The following SDK1 variants were observed in gnomAD, a reference collection of about 807,000 sequenced individuals.
SDK1 encodes the protein sidekick cell adhesion molecule 1.
SDK1 carries 157 observed loss-of-function variants against 245.5 expected under a neutral mutation model. That is an observed-to-expected ratio of 0.64 (90% CI 0.56 to 0.73). The LOEUF (loss-of-function observed/expected upper bound fraction) is 0.73. Among genes scored for constraint, SDK1 ranks in the 30% least tolerant of loss-of-function variants. The pLI is 0.00. For synonymous variants in SDK1, 1,647 were observed against 1,278.5 expected, an observed-to-expected ratio of 1.29 and a Z score of -6.15; for missense variants, 3,583 against 3,002.3, an observed-to-expected ratio of 1.19 and a Z score of -4.52.
chr7:4,025,492 C>A (rs955897911), intron 17 of SDK1, among the ~76,000 whole-genome samples: 1 of 152,196 alleles, frequency 6.6e-6, no homozygotes, highest in African/African-American at 2.4e-5. Flanking sequence ...CTGGGACTTA[C>A]CCTTCACCTG....
intron 1 of SDK1, among the ~76,000 whole-genome samples, chr7:3,433,799 TGGC>T (rs144778955): frequency 0.038 from 5,732 of 152,260 alleles, 321 homozygotes; most frequent in African/African-American, 0.12. Context: ...ATCTTGAACA[TGGC>T]TCTTGTAAAT....
At chr7:3,504,178 A>ATGTGTGTGTG (rs1159786202) in intron 1 of SDK1, among the ~76,000 whole-genome samples, 7 of 52,392 alleles carry the variant, frequency 1.3e-4, no homozygotes, top group African/African-American at 4.1e-4. Flanking sequence ...TTATATATAT[A>ATGTGTGTGTG]TATATGTGTG....
chr7:4,188,980 G>A (rs935568), intron 35 of SDK1, among the ~76,000 whole-genome samples: 25,591 of 151,810 alleles, frequency 0.17, 3,436 homozygotes, highest in African/African-American at 0.38. Context: ...TGTTTAGGAG[G>A]GCTTGTCTTA....
At chr7:3,818,001 C>T (rs529286151) in intron 4 of SDK1, among the ~76,000 whole-genome samples, 7 of 152,264 alleles carry the variant, frequency 4.6e-5, no homozygotes, top group Admixed American at 2.0e-4. Context: ...ACCTCAGGAC[C>T]GGTTAGCTTG....
intron 1 of SDK1, among the ~76,000 whole-genome samples, chr7:3,590,978 T>C (rs970452462): frequency 6.6e-6 from 1 of 152,086 alleles, no homozygotes; most frequent in Non-Finnish European, 1.5e-5. Flanking sequence ...ACATGGAGTT[T>C]TGCCATGTTG....
chr7:3,365,286 A>C (rs186394692), intron 1 of SDK1, among the ~76,000 whole-genome samples: 168 of 152,274 alleles, frequency 1.1e-3, no homozygotes, highest in African/African-American at 3.7e-3. Context: ...GTCACTTTTC[A>C]TCTTGTGCTT....
At chr7:3,679,628 A>C (rs1195366456) in intron 4 of SDK1, among the ~76,000 whole-genome samples, 1 of 152,236 alleles carries the variant, frequency 6.6e-6, no homozygotes, top group Non-Finnish European at 1.5e-5. Context: ...GGATATACAG[A>C]TGTCAAACAG....
rs184817339 is a variant in SDK1, at chr7:3,734,469, G to C, written c.714-86981G>C. ...TCCACTTATAGATGGTGTTAAGAAT[G>C]ATCCTTGAAAAGGGATGTACTTTAG... On this transcript the variant is annotated intron_variant, in intron 4 of 44. Coordinates refer to ENST00000404826, the MANE Select transcript of SDK1 (RefSeq NM_152744.4). Among the ~76,000 whole-genome samples, 737 of 152,344 alleles carry C rather than the reference G, an allele frequency of 4.8e-3. 6 individuals carry two copies. The highest frequency in any genetic ancestry group is 0.017 in the African/African-American group (699 of 41,572).
chr7:3,820,052 A>G (rs1779605878), intron 4 of SDK1, among the ~76,000 whole-genome samples: 1 of 152,176 alleles, frequency 6.6e-6, no homozygotes, highest in Admixed American at 6.5e-5. Context: ...CTTGTTTTTG[A>G]AATAAGAGCT....
At chr7:3,575,372 G>A (rs1780251124) in intron 1 of SDK1, among the ~76,000 whole-genome samples, 1 of 151,978 alleles carries the variant, frequency 6.6e-6, no homozygotes, top group Non-Finnish European at 1.5e-5. Flanking sequence ...TTATTATAAT[G>A]CCTCCCAAAG....
intron 1 of SDK1, among the ~76,000 whole-genome samples, chr7:3,582,322 CAGGTAGGTCTGTCTCAGGT>C (rs1780528095): frequency 6.8e-6 from 1 of 147,054 alleles, no homozygotes; most frequent in African/African-American, 2.6e-5. Context: ...AGGTCTGTCT[CAGGTAGGTCTGTCTCAGGT>C]AGGTCTCCCT....
At chr7:4,183,783 G>C (rs1782727883) in intron 35 of SDK1, among the ~76,000 whole-genome samples, 1 of 152,180 alleles carries the variant, frequency 6.6e-6, no homozygotes. Flanking sequence ...CTTTAGGGAA[G>C]GACCATTATC....
At chr7:4,018,041 A>G (rs1786560039) in intron 17 of SDK1, among the ~76,000 whole-genome samples, 1 of 152,158 alleles carries the variant, frequency 6.6e-6, no homozygotes, top group Non-Finnish European at 1.5e-5. Flanking sequence ...TCTCCTCCAC[A>G]TCTGCATTTC....
At chr7:3,685,544 C>G (rs1165110890) in intron 4 of SDK1, among the ~76,000 whole-genome samples, 3 of 152,032 alleles carry the variant, frequency 2.0e-5, no homozygotes, top group African/African-American at 4.8e-5. Context: ...AAAATAGGGG[C>G]AAATATAATA....
intron 4 of SDK1, among the ~76,000 whole-genome samples, chr7:3,723,038 A>G (rs118171694): frequency 0.021 from 3,197 of 152,368 alleles, 53 homozygotes; most frequent in South Asian, 0.089. Flanking sequence ...CACTTGGGAA[A>G]CAAACAGTGA....
intron 4 of SDK1, among the ~76,000 whole-genome samples, chr7:3,703,739 GT>G (rs1412735845): frequency 6.6e-6 from 1 of 152,162 alleles, no homozygotes; most frequent in South Asian, 2.1e-4. Flanking sequence ...GTAAAATACT[GT>G]TTTTTTCCTT....
rs367967209 is a variant in SDK1, at chr7:3,962,635, A to T, written c.1235-22A>T. 3.3e-5 allele frequency: 52 copies of T among 1,570,050 alleles called. No homozygotes were observed. The African/African-American group carries it at 6.7e-4, about 20-fold the overall frequency. ...CGTCAGGAATTATTTTTAAAATCCT[A>T]TTTATTCCCATTCCTACGCAGGGGT... On this transcript the variant is annotated intron_variant, in intron 8 of 44. Transcript: ENST00000404826.
At chr7:3,691,357 T>C (rs546111880) in intron 4 of SDK1, among the ~76,000 whole-genome samples, 62 of 152,306 alleles carry the variant, frequency 4.1e-4, no homozygotes, top group African/African-American at 1.5e-3. Flanking sequence ...ACAGGCTTAA[T>C]TTTGGATCAC....
intron 4 of SDK1, among the ~76,000 whole-genome samples, chr7:3,710,845 T>A (rs2115017998): frequency 6.6e-6 from 1 of 152,344 alleles, no homozygotes; most frequent in Middle Eastern, 3.4e-3. Context: ...GATTACCTTA[T>A]TTTATAGTAT....
Sources: allele counts gnomAD v4.1 joint callset (sites outside exome capture counted in the v4.1 genomes callset), GRCh38; gene constraint gnomAD v4.1.1; transcripts MANE v1.5; gene names NCBI Gene and HGNC (gene_info 2026-07-23, HGNC 2026-07-21).